Variants in BICD1 observed in about 807,000 individuals in gnomAD.
BICD1 encodes protein bicaudal D homolog 1.
A neutral mutation model predicts 92.5 loss-of-function variants in BICD1; 35 were observed. The ratio of observed to expected loss-of-function variants is 0.38; its 90% confidence interval spans 0.29 to 0.50. BICD1 has a LOEUF of 0.50. BICD1 is among the 20% of genes least tolerant of loss of function. The pLI is 0.93. For missense variants in BICD1, 950 were observed against 1,189.8 expected, an observed-to-expected ratio of 0.80 and a Z score of 2.97; for synonymous variants, 429 against 465.1, an observed-to-expected ratio of 0.92 and a Z score of 1.00.
chr12:32,331,820 A>G (rs540504386), intron 5 of BICD1, among the ~76,000 whole-genome samples: 6 of 152,274 alleles, frequency 3.9e-5, no homozygotes, highest in African/African-American at 1.4e-4. Context: ...ATGAAAACAC[A>G]TTTCTAGCAA....
intron 1 of BICD1, among the ~76,000 whole-genome samples, chr12:32,140,737 C>A (rs1379144623): frequency 6.6e-6 from 1 of 152,058 alleles, no homozygotes; most frequent in African/African-American, 2.4e-5. Context: ...TTAGTTTCTT[C>A]AGGTGAATAA....
chr12:32,358,597 C>G (rs1288144770), intron 8 of BICD1, among the ~76,000 whole-genome samples: 1 of 151,766 alleles, frequency 6.6e-6, no homozygotes, highest in African/African-American at 2.4e-5. Context: ...GTTAACTGGG[C>G]GTGGTGGTGC....
chr12:32,171,187 T>C (rs1407287775), intron 1 of BICD1, among the ~76,000 whole-genome samples: 1 of 152,184 alleles, frequency 6.6e-6, no homozygotes, highest in Admixed American at 6.5e-5. Context: ...TGTTTGGGCC[T>C]ATGAAATGTG....
At chr12:32,331,801 G>A (rs1937885255) in intron 5 of BICD1, among the ~76,000 whole-genome samples, 2 of 152,184 alleles carry the variant, frequency 1.3e-5, no homozygotes, top group Non-Finnish European at 2.9e-5. Context: ...TATGGGCTCA[G>A]TAAATTAAAT....
intron 2 of BICD1, among the ~76,000 whole-genome samples, chr12:32,226,633 C>T (rs1474476379): frequency 6.6e-6 from 1 of 152,146 alleles, no homozygotes; most frequent in Non-Finnish European, 1.5e-5. Flanking sequence ...CATGGGCATC[C>T]CACAGGGCCA....
At chr12:32,206,379 GCTGATCAC>G (rs1200040215) in intron 1 of BICD1, among the ~76,000 whole-genome samples, 2 of 152,252 alleles carry the variant, frequency 1.3e-5, no homozygotes, top group Non-Finnish European at 2.9e-5. Context: ...GCTAAGGTGG[GCTGATCAC>G]CTGATGTCAG....
chr12:32,276,677 GAAA>G (rs35116125), intron 2 of BICD1, among the ~76,000 whole-genome samples: 1 of 150,080 alleles, frequency 6.7e-6, no homozygotes, highest in African/African-American at 2.5e-5. Context: ...CTGCAAAAAA[GAAA>G]AAAAAAAGAA....
At chr12:32,339,216 G>T in intron 8 of BICD1, 2 of 1,244,958 alleles carry the variant, frequency 1.6e-6, no homozygotes, top group Non-Finnish European at 2.0e-6. Flanking sequence ...GAGTTGGAAG[G>T]AATGGGATAG....
At chr12:32,348,723 A>AATAT (rs11272207) in intron 8 of BICD1, among the ~76,000 whole-genome samples, 139 of 117,802 alleles carry the variant, frequency 1.2e-3, no homozygotes, top group Non-Finnish European at 1.7e-3. Flanking sequence ...CTCACACAAA[A>AATAT]ATATATATAT....
chr12:32,309,467 C>T (rs982263409), intron 4 of BICD1, among the ~76,000 whole-genome samples: 4 of 152,052 alleles, frequency 2.6e-5, no homozygotes, highest in African/African-American at 7.3e-5. Flanking sequence ...ATGCAGCATC[C>T]GGTGATCAAA....
chr12:32,316,341 A>C (rs1322331888), intron 4 of BICD1, among the ~76,000 whole-genome samples: 1 of 150,302 alleles, frequency 6.7e-6, no homozygotes, highest in Non-Finnish European at 1.5e-5. Flanking sequence ...CTCAGGCTGG[A>C]GTACAGTGGC....
chr12:32,299,343 CA>C (rs1947968558), intron 3 of BICD1, among the ~76,000 whole-genome samples: 1 of 152,160 alleles, frequency 6.6e-6, no homozygotes, highest in South Asian at 2.1e-4. Context: ...GGGCTCTAAT[CA>C]CATGGTGCAG....
intron 2 of BICD1, among the ~76,000 whole-genome samples, chr12:32,234,198 C>G (rs1384156835): frequency 1.3e-5 from 2 of 152,256 alleles, no homozygotes; most frequent in Admixed American, 1.3e-4. Context: ...ATATTGATTA[C>G]CTAGTTAGCC....
intron 2 of BICD1, among the ~76,000 whole-genome samples, chr12:32,289,756 T>C (rs1397809492): frequency 1.3e-5 from 2 of 152,258 alleles, no homozygotes; most frequent in African/African-American, 4.8e-5. Flanking sequence ...TAAACAGTAT[T>C]ATATACCAAT....
intron 2 of BICD1, among the ~76,000 whole-genome samples, chr12:32,255,972 T>A (rs1946707920): frequency 6.6e-6 from 1 of 152,198 alleles, no homozygotes; most frequent in Admixed American, 6.5e-5. Context: ...ATTATTAATT[T>A]ATCAATAGAG....
intron 2 of BICD1, among the ~76,000 whole-genome samples, chr12:32,256,146 G>A (rs1423313448): frequency 6.6e-6 from 1 of 152,040 alleles, no homozygotes; most frequent in African/African-American, 2.4e-5. Context: ...TTGACCCCCT[G>A]GGCTCAAGCA....
intron 1 of BICD1, among the ~76,000 whole-genome samples, chr12:32,147,262 A>G (rs1943140602): frequency 6.6e-6 from 1 of 152,136 alleles, no homozygotes; most frequent in Non-Finnish European, 1.5e-5. Context: ...AGAGAGACCA[A>G]TGTTGCCAGA....
chr12:32,121,812 A>AT (rs77883866), intron 1 of BICD1, among the ~76,000 whole-genome samples: 205 of 140,264 alleles, frequency 1.5e-3, no homozygotes, highest in African/African-American at 3.5e-3. Flanking sequence ...AGTTTGTCAA[A>AT]TTTTTTTTTT....
At chr12:32,282,566 G>T (rs573557991) in intron 2 of BICD1, among the ~76,000 whole-genome samples, 1 of 152,090 alleles carries the variant, frequency 6.6e-6, no homozygotes, top group African/African-American at 2.4e-5. Flanking sequence ...TAACCCTGAC[G>T]TGGATTTGAG....
Sources: allele counts gnomAD v4.1 joint callset (sites outside exome capture counted in the v4.1 genomes callset), GRCh38; gene constraint gnomAD v4.1.1; transcripts MANE v1.5; gene names NCBI Gene and HGNC (gene_info 2026-07-23, HGNC 2026-07-21).